Variants in SEMA6D observed in about 807,000 individuals in gnomAD.
The protein encoded by SEMA6D is semaphorin-6D.
Under a neutral mutation model 106.6 loss-of-function variants are expected in SEMA6D, and 35 were observed. That is an observed-to-expected ratio of 0.33 (90% confidence interval 0.25 to 0.44). The LOEUF (loss-of-function observed/expected upper bound fraction) is 0.44. SEMA6D is among the 20% of genes least tolerant of loss of function. The pLI is 1.00. For missense variants in SEMA6D, 1,185 were observed against 1,345.9 expected, an observed-to-expected ratio of 0.88 and a Z score of 1.87; for synonymous variants, 499 against 487.7, an observed-to-expected ratio of 1.02 and a Z score of -0.31.
intron 4 of SEMA6D, among the ~76,000 whole-genome samples, chr15:47,645,804 G>C (rs2077572282): frequency 6.6e-6 from 1 of 152,030 alleles, no homozygotes. Flanking sequence ...CCCTCCTCAG[G>C]TTCCATTAAT....
At chr15:47,705,087 A>G (rs1382815142) in intron 4 of SEMA6D, among the ~76,000 whole-genome samples, 2 of 152,210 alleles carry the variant, frequency 1.3e-5, no homozygotes, top group African/African-American at 2.4e-5. Flanking sequence ...GGATAAATAT[A>G]AGGCCCACAC....
At chr15:47,680,498 T>C (rs1407467857) in intron 4 of SEMA6D, among the ~76,000 whole-genome samples, 1 of 152,086 alleles carries the variant, frequency 6.6e-6, no homozygotes, top group African/African-American at 2.4e-5. Context: ...TTCCTGGTGA[T>C]ACACATGCAT....
intron 1 of SEMA6D, among the ~76,000 whole-genome samples, chr15:47,350,093 A>G (rs77045075): frequency 0.021 from 3,210 of 152,104 alleles, 116 homozygotes; most frequent in African/African-American, 0.073. Context: ...ATGTGGTCCC[A>G]TAAGTGTTTT....
At chr15:47,246,120 A>G (rs2033181853) in intron 1 of SEMA6D, among the ~76,000 whole-genome samples, 1 of 152,166 alleles carries the variant, frequency 6.6e-6, no homozygotes, top group Non-Finnish European at 1.5e-5. Context: ...GGGTCCTAGC[A>G]GGGAACAAAT....
At chr15:47,566,034 C>T (rs923733742) in intron 3 of SEMA6D, among the ~76,000 whole-genome samples, 3 of 152,178 alleles carry the variant, frequency 2.0e-5, no homozygotes, top group Non-Finnish European at 4.4e-5. Context: ...GGGATATAGG[C>T]CTTCACAGTT....
intron 1 of SEMA6D, among the ~76,000 whole-genome samples, chr15:47,266,213 T>C (rs1373223251): frequency 6.6e-6 from 1 of 152,124 alleles, no homozygotes; most frequent in African/African-American, 2.4e-5. Flanking sequence ...TTGTCTTTTT[T>C]TGCCAGTTGT....
At chr15:47,565,304 C>T (rs1025856259) in intron 3 of SEMA6D, among the ~76,000 whole-genome samples, 2 of 152,214 alleles carry the variant, frequency 1.3e-5, no homozygotes, top group African/African-American at 4.8e-5. Context: ...CACTCACCTG[C>T]ACACTCCCTC....
Position 47,539,418 on chromosome 15 carries a change from TG to T in SEMA6D, c.-86-61446del, listed in dbSNP as rs1164609531. On this transcript the variant is annotated intron_variant, in intron 3 of 19. Coordinates refer to the SEMA6D transcript ENST00000558014. ...TAGTCCCTGGCTCAGTTTTTTTTTT[TG>T]TTTGTTTGTTTGTTTTGTTTTGTTT... Among the ~76,000 whole-genome samples the T allele has an allele frequency of 3.7e-3, 559 of 149,510 alleles. 3 individuals are homozygous for T. Among genetic ancestry groups the T allele is most frequent in the African/African-American group, 0.013 (534 of 40,450 alleles).
chr15:47,445,697 A>G (rs1416588998), intron 2 of SEMA6D, among the ~76,000 whole-genome samples: 3 of 151,920 alleles, frequency 2.0e-5, no homozygotes, highest in African/African-American at 7.3e-5. Context: ...CAGTTTAGTA[A>G]GAGGCTTTTT....
intron 4 of SEMA6D, among the ~76,000 whole-genome samples, chr15:47,615,582 A>G (rs2076992277): frequency 6.6e-6 from 1 of 152,156 alleles, no homozygotes; most frequent in African/African-American, 2.4e-5. Context: ...TTTTTCACCT[A>G]TTGCAAAAAA....
chr15:47,189,347 C>T (rs1172311530), intron 1 of SEMA6D, among the ~76,000 whole-genome samples: 3 of 152,156 alleles, frequency 2.0e-5, no homozygotes, highest in Non-Finnish European at 4.4e-5. Flanking sequence ...CACTTAAATA[C>T]AGTAGTTAAC....
Position 47,564,853 on chromosome 15 carries a change from T to C in SEMA6D, c.-86-36012T>C, listed in dbSNP as rs2046184604. Reference sequence around the variant, plus strand: ...CAGCCAGCAGAGAGGAAGAAGAATCTAGACATCGGGACAACTATGGCTGGA... The same window carrying C: ...CAGCCAGCAGAGAGGAAGAAGAATCCAGACATCGGGACAACTATGGCTGGA... On this transcript the variant is annotated intron_variant, in intron 3 of 19. Coordinates refer to the SEMA6D transcript ENST00000558014. 3.9e-5 allele frequency among the ~76,000 whole-genome samples: 6 copies of C among 152,260 alleles called. No homozygotes were observed. The South Asian group carries it at 1.2e-3, about 32-fold the overall frequency.
intron 1 of SEMA6D, among the ~76,000 whole-genome samples, chr15:47,756,576 A>T (rs1371991438): frequency 1.3e-5 from 2 of 152,236 alleles, no homozygotes; most frequent in Non-Finnish European, 2.9e-5. Context: ...AAGAGCCAGG[A>T]AGTAAATGGC....
chr15:47,312,953 C>T (rs938618510), intron 1 of SEMA6D, among the ~76,000 whole-genome samples: 1 of 151,988 alleles, frequency 6.6e-6, no homozygotes, highest in African/African-American at 2.4e-5. Context: ...AAATATTTTC[C>T]CCTTTTTATA....
chr15:47,629,431 G>A (rs568646129), intron 4 of SEMA6D, among the ~76,000 whole-genome samples: 1 of 151,884 alleles, frequency 6.6e-6, no homozygotes, highest in East Asian at 1.9e-4. Flanking sequence ...TAGATTTAAG[G>A]TTTTTTTCTC....
intron 1 of SEMA6D, among the ~76,000 whole-genome samples, chr15:47,355,923 C>T (rs1187565206): frequency 2.0e-5 from 3 of 152,114 alleles, no homozygotes; most frequent in Admixed American, 6.5e-5. Flanking sequence ...TCTCTGTTTA[C>T]AGTATTTCTA....
At chr15:47,454,402 T>C (rs2042281660) in intron 2 of SEMA6D, among the ~76,000 whole-genome samples, 1 of 151,968 alleles carries the variant, frequency 6.6e-6, no homozygotes, top group Admixed American at 6.6e-5. Context: ...AAATGTGTAT[T>C]GAACACCTTT....
intron 2 of SEMA6D, among the ~76,000 whole-genome samples, chr15:47,427,241 G>C (rs977436010): frequency 5.3e-5 from 8 of 152,094 alleles, no homozygotes; most frequent in African/African-American, 1.9e-4. Context: ...ACAAACTGCA[G>C]AAGGTGTTGA....
intron 2 of SEMA6D, among the ~76,000 whole-genome samples, chr15:47,433,151 A>C (rs111302718): frequency 6.6e-6 from 1 of 151,986 alleles, no homozygotes; most frequent in Non-Finnish European, 1.5e-5. Context: ...GATAAATGCT[A>C]TTGGTTCTTT....
Sources: gnomAD v4.1 joint callset for allele counts (sites outside exome capture counted in the v4.1 genomes callset) on GRCh38, gnomAD v4.1.1 for gene constraint, MANE v1.5 for transcripts, NCBI Gene and HGNC (gene_info 2026-07-23, HGNC 2026-07-21) for gene names.